PRRG4: variants seen among roughly 807,000 people sequenced by gnomAD.
The protein encoded by PRRG4 is transmembrane gamma-carboxyglutamic acid protein 4.
Under a neutral mutation model 20.0 loss-of-function variants are expected in PRRG4, and 12 were observed. The ratio of observed to expected loss-of-function variants is 0.60; its 90% confidence interval spans 0.38 to 0.97. The LOEUF (loss-of-function observed/expected upper bound fraction) is 0.97, where lower values mean the gene tolerates loss of function less well. PRRG4 is among the 50% of genes least tolerant of loss of function. The probability of loss-of-function intolerance (pLI) is 0.00; values close to 1 mark genes in which losing one functional copy is unlikely to be tolerated. For synonymous variants in PRRG4, 94 were observed against 96.4 expected (o/e 0.98, Z 0.15); for missense variants, 199 against 265.1 (o/e 0.75, Z 1.73).
At chr11:32,849,047 T>G (rs1851157682) in intron 5 of PRRG4, among the ~76,000 whole-genome samples, 1 of 151,474 alleles carries the variant, frequency 6.6e-6, no homozygotes, top group South Asian at 2.1e-4. Flanking sequence ...GGTGAAGTCA[T>G]GAGGGTAGGT....
chr11:32,847,148 A>T (rs375604767), intron 5 of PRRG4, among the ~76,000 whole-genome samples: 14 of 151,824 alleles, frequency 9.2e-5, no homozygotes, highest in Admixed American at 2.0e-4. Context: ...TTATTTATTT[A>T]TTTTTTTTGA....
Position 32,842,242 on chromosome 11 carries a change from T to C in PRRG4, c.449+2003T>C, listed in dbSNP as rs547169440. 3.9e-5 allele frequency among the ~76,000 whole-genome samples: 6 copies of C among 152,330 alleles called. No individual in the cohort carries two copies. In the East Asian group the frequency reaches 1.2e-3, roughly 29 times the overall value. ...AATTCTCATGTTAATTTTGCCACTATTTATGGAGCTTGAAGCAAATTCCTT... is the reference window on the plus strand; with the variant it reads ...AATTCTCATGTTAATTTTGCCACTACTTATGGAGCTTGAAGCAAATTCCTT... On this transcript the variant is annotated intron_variant, in intron 5 of 5. Coordinates refer to ENST00000257836, the MANE Select transcript of PRRG4 (RefSeq NM_024081.6).
intron 2 of PRRG4, among the ~76,000 whole-genome samples, chr11:32,831,464 A>G (rs906118579): frequency 1.1e-4 from 17 of 152,270 alleles, no homozygotes; most frequent in African/African-American, 4.1e-4. Context: ...TTTATTAATG[A>G]TTAATACAGC....
At chr11:32,839,836 T>C (rs1851060850) in intron 4 of PRRG4, among the ~76,000 whole-genome samples, 1 of 146,844 alleles carries the variant, frequency 6.8e-6, no homozygotes, top group East Asian at 1.9e-4. Flanking sequence ...AAAATATAAG[T>C]AGTATATTTT....
rs1851229919 is a variant in PRRG4 at position 32,856,717 on chromosome 11, C to A, written c.*3190C>A. The A allele has an allele frequency of 6.6e-6, 1 of 152,064 alleles. No individual in the cohort carries two copies. Among genetic ancestry groups the A allele is most frequent in the Non-Finnish European group, 1.5e-5 (1 of 68,004 alleles). The allele number at this position is 152,064 out of a possible 1,614,324, so 9.4% of individuals were successfully genotyped here. ...TAAAAGGAGAATTGGATTGAAAAGA[C>A]AAATACACATTTACAAGGTCATACC... On this transcript the variant is annotated 3_prime_UTR_variant, in exon 6 of 6. Coordinates refer to ENST00000257836, the MANE Select transcript of PRRG4 (RefSeq NM_024081.6).
At chr11:32,844,061 T>C (rs1851104417) in intron 5 of PRRG4, among the ~76,000 whole-genome samples, 1 of 152,242 alleles carries the variant, frequency 6.6e-6, no homozygotes, top group African/African-American at 2.4e-5. Context: ...CAGCTCCTGT[T>C]TCTGGAAGAG....
intron 5 of PRRG4, among the ~76,000 whole-genome samples, chr11:32,848,379 C>T (rs1281871192): frequency 6.6e-6 from 1 of 151,884 alleles, no homozygotes; most frequent in Admixed American, 6.6e-5. Context: ...GAGTTTTGAG[C>T]GGGGCAAAAA....
intron 5 of PRRG4, among the ~76,000 whole-genome samples, chr11:32,845,661 T>G (rs1851123227): frequency 3.2e-5 from 1 of 31,368 alleles, no homozygotes; most frequent in South Asian, 1.5e-3. Context: ...TTCTTATAAA[T>G]GGCTAGGAAT....
At chr11:32,851,775 T>C (rs1851184936) in intron 5 of PRRG4, among the ~76,000 whole-genome samples, 1 of 152,200 alleles carries the variant, frequency 6.6e-6, no homozygotes, top group Admixed American at 6.5e-5. Flanking sequence ...TCTTCCTTTT[T>C]TTGTGGGTAC....
intron 5 of PRRG4, among the ~76,000 whole-genome samples, chr11:32,847,584 T>C (rs1241572797): frequency 3.3e-5 from 5 of 152,192 alleles, no homozygotes; most frequent in African/African-American, 1.2e-4. Context: ...GTGGAAAAGT[T>C]TGACAGTTCC....
rs1349170347 is a variant in PRRG4, at chr11:32,853,747, G to A, written c.*220G>A. 1.3e-5 allele frequency: 6 copies of A among 471,062 alleles called. No individual in the cohort carries two copies. The East Asian group carries it at 2.4e-4, about 19-fold the overall frequency. The allele number at this position is 471,062 out of a possible 1,614,324, so 29.2% of individuals were successfully genotyped here. A position where few individuals can be genotyped will look rare whatever the true frequency, so the allele number is the denominator to read the frequency against. ...GGAGGCTGAAGCAGGAGAATTGCTC[G>A]AACCTGGGAGGCAGAGGTTGCAGTA... On this transcript the variant is annotated 3_prime_UTR_variant, in exon 6 of 6. Coordinates refer to ENST00000257836, the MANE Select transcript of PRRG4 (RefSeq NM_024081.6).
intron 2 of PRRG4, 78 bp from the exon 3 acceptor site, chr11:32,836,580 C>A: frequency 1.3e-6 from 1 of 795,678 alleles, no homozygotes; most frequent in Non-Finnish European, 1.9e-6. Context: ...GAGAACTATT[C>A]ACTTTTTTCC....
intron 2 of PRRG4, 98 bp downstream of exon 2, chr11:32,830,730 A>C: frequency 6.4e-7 from 1 of 1,565,678 alleles, no homozygotes; most frequent in Non-Finnish European, 8.7e-7. Flanking sequence ...CAATCATAGA[A>C]ACACTAAAAT....
rs375140461 is a variant in PRRG4, at chr11:32,844,645, C to T, written c.449+4406C>T. 9.2e-5 allele frequency among the ~76,000 whole-genome samples: 14 copies of T among 152,014 alleles called. No individual in the cohort carries two copies. In the East Asian group the frequency reaches 2.7e-3, roughly 29 times the overall value. On this transcript the variant is annotated intron_variant, in intron 5 of 5. Coordinates refer to ENST00000257836, the MANE Select transcript of PRRG4 (RefSeq NM_024081.6). ...CCTCCCAAGTAGCTGAGATTACAGG[C>T]ATCTGCCACCATGCCCAGCTAATTT...
At chr11:32,852,834 C>G (rs1851194841) in intron 5 of PRRG4, among the ~76,000 whole-genome samples, 1 of 147,324 alleles carries the variant, frequency 6.8e-6, no homozygotes. Flanking sequence ...GGTGCAGTGG[C>G]GTGATCTCAG....
intron 5 of PRRG4, among the ~76,000 whole-genome samples, chr11:32,845,686 G>A (rs1646965126): frequency 6.7e-6 from 1 of 149,410 alleles, no homozygotes; most frequent in African/African-American, 2.5e-5. Flanking sequence ...AGTCAAGCAG[G>A]CATACCATCA....
chr11:32,830,954 A>C (rs1850965243), intron 2 of PRRG4, among the ~76,000 whole-genome samples: 1 of 152,178 alleles, frequency 6.6e-6, no homozygotes, highest in African/African-American at 2.4e-5. Flanking sequence ...TATAATAAGC[A>C]TAATTACTTG....
chr11:32,837,522 TG>T (rs1851031955), intron 3 of PRRG4, among the ~76,000 whole-genome samples: 15 of 108,632 alleles, frequency 1.4e-4, no homozygotes, highest in African/African-American at 5.4e-4. Context: ...ATGATGATGA[TG>T]ATGATGATGA....
At chr11:32,852,763 C>A (rs999889655) in intron 5 of PRRG4, among the ~76,000 whole-genome samples, 1 of 148,372 alleles carries the variant, frequency 6.7e-6, no homozygotes, top group Non-Finnish European at 1.5e-5. Flanking sequence ...ATGACAGGAT[C>A]AGATTTCTCT....
Sources: gnomAD v4.1 joint callset for allele counts (sites outside exome capture counted in the v4.1 genomes callset) on GRCh38, gnomAD v4.1.1 for gene constraint, MANE v1.5 for transcripts, NCBI Gene and HGNC (gene_info 2026-07-23, HGNC 2026-07-21) for gene names.